CALD1: variants seen among roughly 807,000 people sequenced by gnomAD.
CALD1 encodes caldesmon.
In CALD1, 33 loss-of-function variants were observed where a neutral mutation model predicts 99.9. The ratio of observed to expected loss-of-function variants is 0.33; its 90% CI spans 0.25 to 0.44. The LOEUF is 0.44. Among genes scored for constraint, CALD1 ranks in the 20% least tolerant of loss-of-function variants. The pLI is 1.00. For missense variants in CALD1, 861 were observed against 962.1 expected, an observed-to-expected ratio of 0.89 and a Z score of 1.39; for synonymous variants, 310 against 325.0, an observed-to-expected ratio of 0.95 and a Z score of 0.50.
intron 2 of CALD1, among the ~76,000 whole-genome samples, chr7:134,864,177 C>T (rs1241023774): frequency 1.3e-5 from 2 of 151,952 alleles, no homozygotes; most frequent in East Asian, 2.0e-4. Flanking sequence ...GGTGAAACCC[C>T]GTCTCTACTA....
At chr7:134,711,926 C>G in the CALD1 span, among the ~76,000 whole-genome samples, 1 of 150,602 alleles carries the variant, frequency 6.6e-6, no homozygotes, top group East Asian at 2.0e-4. Flanking sequence ...GAGCAGGAAC[C>G]AGCTCCCATT....
At chr7:134,779,412 T>C (rs529265953), upstream of CALD1, 121 of 358,432 alleles carry the variant, frequency 3.4e-4, 1 homozygote, top group Admixed American at 1.7e-3. Context: ...TTGGGTTTTC[T>C]GATGAGTGAT....
intron 1 of CALD1, among the ~76,000 whole-genome samples, chr7:134,763,691 G>A (rs111729270): frequency 0.049 from 7,484 of 152,056 alleles, 603 homozygotes; most frequent in African/African-American, 0.16. Context: ...AGGCTAAGGC[G>A]GGTGGATCAC....
chr7:134,732,497 C>A, the CALD1 span, among the ~76,000 whole-genome samples: 4 of 152,324 alleles, frequency 2.6e-5, no homozygotes, highest in East Asian at 7.7e-4. Flanking sequence ...GGCTTTTCCA[C>A]CAAATGAGGA....
At chr7:134,863,419 G>A (rs1056781917) in intron 2 of CALD1, among the ~76,000 whole-genome samples, 1 of 152,216 alleles carries the variant, frequency 6.6e-6, no homozygotes, top group Non-Finnish European at 1.5e-5. Flanking sequence ...CCAAAAAGTA[G>A]ATAAGACTTA....
intron 6 of CALD1, among the ~76,000 whole-genome samples, chr7:134,938,628 C>A (rs1584621335): frequency 6.6e-6 from 1 of 152,108 alleles, no homozygotes; most frequent in Non-Finnish European, 1.5e-5. Context: ...TGGGTTAAAT[C>A]TGCCATAACA....
intron 3 of CALD1, chr7:134,891,263 C>A: frequency 2.1e-6 from 1 of 481,680 alleles, no homozygotes; most frequent in Non-Finnish European, 2.9e-6. Context: ...GAGATCCTGG[C>A]CCTGACTACC....
intron 3 of CALD1, among the ~76,000 whole-genome samples, chr7:134,886,228 G>GTC (rs1327898434): frequency 2.0e-5 from 3 of 152,032 alleles, no homozygotes; most frequent in Admixed American, 2.0e-4. Context: ...AAGCTTTCTG[G>GTC]TCTCTCTCTC....
chr7:134,748,249 T>C (rs1386333834), intron 1 of CALD1, among the ~76,000 whole-genome samples: 2 of 152,388 alleles, frequency 1.3e-5, no homozygotes, highest in East Asian at 1.9e-4. Flanking sequence ...ACTTAACATG[T>C]TTAATTTTAA....
intron 3 of CALD1, among the ~76,000 whole-genome samples, chr7:134,900,480 C>T (rs538221838): frequency 3.9e-5 from 6 of 152,226 alleles, no homozygotes; most frequent in Admixed American, 6.5e-5. Context: ...TGGCAGGCAG[C>T]CTTTCTGGGG....
chr7:134,898,233 CCTGTT>C (rs1802725382), intron 3 of CALD1, among the ~76,000 whole-genome samples: 1 of 152,216 alleles, frequency 6.6e-6, no homozygotes. Flanking sequence ...GATGCTGATG[CCTGTT>C]CTGTGTAATT....
intron 14 of CALD1, among the ~76,000 whole-genome samples, chr7:134,965,926 T>C (rs1332140423): frequency 3.3e-5 from 5 of 152,136 alleles, no homozygotes; most frequent in African/African-American, 1.2e-4. Context: ...CCTCTTACTT[T>C]TAGTCTTCTG....
intron 1 of CALD1, among the ~76,000 whole-genome samples, chr7:134,756,138 G>A (rs1397051730): frequency 1.3e-5 from 2 of 151,584 alleles, no homozygotes; most frequent in African/African-American, 4.8e-5. Flanking sequence ...TGATCCACCC[G>A]CCACGGCCTC....
chr7:134,743,336 C>T (rs572359043), upstream of CALD1, among the ~76,000 whole-genome samples: 4 of 152,304 alleles, frequency 2.6e-5, no homozygotes, highest in African/African-American at 9.6e-5. Flanking sequence ...AGCAGTTCAA[C>T]TATGCACCAA....
chr7:134,932,640 G>C (rs943853144), intron 4 of CALD1, among the ~76,000 whole-genome samples: 3 of 152,200 alleles, frequency 2.0e-5, no homozygotes, highest in Non-Finnish European at 4.4e-5. Flanking sequence ...GAAACTCTGA[G>C]ATCCAGTGTG....
intron 8 of CALD1, among the ~76,000 whole-genome samples, chr7:134,949,051 T>TA (rs1163910306): frequency 1.3e-5 from 2 of 152,188 alleles, no homozygotes; most frequent in African/African-American, 4.8e-5. Context: ...TGTGAAATAA[T>TA]ATCTACTTTG....
chr7:134,816,193 T>G (rs980295845), intron 1 of CALD1, among the ~76,000 whole-genome samples: 2 of 152,192 alleles, frequency 1.3e-5, no homozygotes, highest in African/African-American at 4.8e-5. Context: ...ACTATAGGCT[T>G]TAAAAAAGCT....
chr7:134,931,742 T>C (rs1417220966), intron 4 of CALD1, among the ~76,000 whole-genome samples: 1 of 152,194 alleles, frequency 6.6e-6, no homozygotes, highest in Non-Finnish European at 1.5e-5. Flanking sequence ...AGGGAGGTGA[T>C]GGACAACAGT....
intron 2 of CALD1, among the ~76,000 whole-genome samples, chr7:134,849,887 G>C (rs1800007082): frequency 6.6e-6 from 1 of 152,120 alleles, no homozygotes; most frequent in South Asian, 2.1e-4. Flanking sequence ...GGTTTTCCAA[G>C]AAGGCCTCTC....
Sources: gnomAD v4.1 joint callset for allele counts (sites outside exome capture counted in the v4.1 genomes callset) on GRCh38, gnomAD v4.1.1 for gene constraint, MANE v1.5 for transcripts, NCBI Gene and HGNC (gene_info 2026-07-23, HGNC 2026-07-21) for gene names.